CCNT2: variants seen among roughly 807,000 people sequenced by gnomAD.
The protein encoded by CCNT2 is cyclin T2.
In CCNT2, 18 loss-of-function variants were observed where a neutral mutation model predicts 70.0. That is an observed-to-expected ratio of 0.26 (90% CI 0.18 to 0.38). CCNT2 has a LOEUF of 0.38. Ranked by LOEUF, CCNT2 falls within the 10% of genes least tolerant of loss-of-function variation. CCNT2 has a pLI of 1.00. For missense variants in CCNT2, 734 were observed against 890.2 expected (o/e 0.82, Z 2.23); for synonymous variants, 334 against 313.3 (o/e 1.07, Z -0.70).
chr2:134,939,866 C>G (rs1048095086), intron 4 of CCNT2, among the ~76,000 whole-genome samples: 4 of 152,192 alleles, frequency 2.6e-5, no homozygotes, highest in Non-Finnish European at 4.4e-5. Flanking sequence ...TGTCACCATT[C>G]ACCTTACTCA....
rs376708984 is a variant in CCNT2 at position 134,936,832 on chromosome 2, T to A, written c.241-9T>A. 188 of 1,604,060 alleles carry A rather than the reference T, an allele frequency of 1.2e-4. No individual in the cohort carries two copies. The highest frequency in any genetic ancestry group is 3.3e-4 in the Middle Eastern group (2 of 6,024). On this transcript the variant is annotated splice_polypyrimidine_tract_variant and intron_variant, in intron 2 of 8. Transcript: ENST00000264157. ...TTCTTAAATGACCAGAGTTTTATCT[T>A]TTCTGCAGATAATATCGTCTACTGC...
intron 4 of CCNT2, among the ~76,000 whole-genome samples, chr2:134,942,030 A>G (rs937497452): frequency 3.3e-5 from 5 of 152,124 alleles, no homozygotes; most frequent in African/African-American, 7.2e-5. Flanking sequence ...TTGCACGTTG[A>G]TAGCTTTTAA....
intron 5 of CCNT2, 79 bp downstream of exon 5, chr2:134,942,753 TTC>T: frequency 6.9e-7 from 1 of 1,440,290 alleles, no homozygotes; most frequent in Non-Finnish European, 9.3e-7. Flanking sequence ...TATTTTGTTT[TTC>T]TAGCCTTTTG....
At chr2:134,930,781 C>A (rs1363317482) in intron 2 of CCNT2, among the ~76,000 whole-genome samples, 1 of 151,708 alleles carries the variant, frequency 6.6e-6, no homozygotes, top group African/African-American at 2.4e-5. Flanking sequence ...GCACAAGCAT[C>A]CAGTTTATTA....
At chr2:134,943,061 G>T in intron 5 of CCNT2, 1 of 985,336 alleles carries the variant, frequency 1.0e-6, no homozygotes, top group Non-Finnish European at 1.2e-6. Context: ...GATAACAGTT[G>T]AAGAATTTTG....
Position 134,954,170 on chromosome 2 carries a change from G to A in CCNT2, c.1715G>A (p.Ser572Asn). 1 of 1,614,194 alleles carries A rather than the reference G, an allele frequency of 6.2e-7. No individual in the cohort carries two copies. Among genetic ancestry groups the A allele is most frequent in the Non-Finnish European group, 8.5e-7 (1 of 1,180,024 alleles). The change falls in exon 9 of 9, where the codon AGC becomes AAC. Residue 572 changes from serine (S) to asparagine (N), a missense_variant. Physicochemically the swap from Ser to Asn is conservative, Grantham distance 46. This residue lies in a region of CCNT2 where 532 missense variants were observed against 556.9 expected (regional missense o/e 0.96). Coordinates refer to ENST00000264157, the MANE Select transcript of CCNT2 (RefSeq NM_058241.3). ...EHPSSRHHTS[S>N]HKHSHSHSGS... ...CCTTCAAGCCGCCACCACACCAGCA[G>A]CCACAAGCATTCCCACTCGCATAGT...
At chr2:134,946,775 A>G (rs2105072874) in intron 6 of CCNT2, among the ~76,000 whole-genome samples, 1 of 151,688 alleles carries the variant, frequency 6.6e-6, no homozygotes, top group South Asian at 2.1e-4. Context: ...TAACATTTCC[A>G]TCATTGAAAC....
At chr2:134,924,949 A>G (rs767293461) in intron 2 of CCNT2, among the ~76,000 whole-genome samples, 1 of 152,218 alleles carries the variant, frequency 6.6e-6, no homozygotes. Flanking sequence ...AGAGTTTCCA[A>G]CTGTCTGAAT....
intron 8 of CCNT2, 38 bp downstream of exon 8, chr2:134,952,749 T>C (rs1682615389): frequency 6.9e-7 from 1 of 1,448,554 alleles, no homozygotes; most frequent in African/African-American, 1.4e-5. Context: ...ATTTCAGTCT[T>C]TTATGTAACA....
At chr2:134,952,736 A>T (rs370012767) in intron 8 of CCNT2, 25 bp downstream of exon 8, 202 of 1,549,772 alleles carry the variant, frequency 1.3e-4, no homozygotes, top group Non-Finnish European at 1.6e-4. Context: ...AGGGTTTAAC[A>T]GAATTTCAGT....
At chr2:134,943,504 A>C (rs1357289047) in intron 5 of CCNT2, 16 of 984,894 alleles carry the variant, frequency 1.6e-5, no homozygotes, top group Non-Finnish European at 1.8e-5. Flanking sequence ...ACATTACTAA[A>C]AGTGGTTTCC....
chr2:134,946,338 G>A (rs1219092834), intron 6 of CCNT2, 192 bp downstream of exon 6: 4 of 1,203,090 alleles, frequency 3.3e-6, no homozygotes, highest in Non-Finnish European at 2.2e-6. Context: ...AATGCACAAT[G>A]TGAAGTGTAG....
In CCNT2 at chr2:134,958,825, A is replaced by G. The variant is rs1016301282; in HGVS notation, c.*4177A>G. 1 of 152,210 alleles carries G rather than the reference A, an allele frequency of 6.6e-6. No homozygotes were observed. The highest frequency in any genetic ancestry group is 1.5e-5 in the Non-Finnish European group (1 of 68,046). The allele number at this position is 152,210 out of a possible 1,614,324, so 9.4% of individuals were successfully genotyped here. A position where few individuals can be genotyped will look rare whatever the true frequency, so the allele number is the denominator to read the frequency against. ...TTTTTACCTCTGTGGCACCTTCTTT[A>G]TAATTTACTGTTACCTATTCTGCCT... On this transcript the variant is annotated 3_prime_UTR_variant, in exon 9 of 9. Transcript: ENST00000264157.
In CCNT2 at chr2:134,953,394, A is replaced by T; in HGVS notation, c.939A>T (p.Val313=). ...KPSTSAFPAP[V]PLNSGNISVQ... The stretch of plus-strand genomic sequence containing the variant: ...CTACATCAGCATTCCCTGCGCCAGT[A>T]CCTCTAAATTCAGGAAATATTTCTG... The change falls in exon 9 of 9, where the codon GTA becomes GTT. Residue 313 remains valine, a synonymous_variant. Coordinates refer to ENST00000264157, the MANE Select transcript of CCNT2 (RefSeq NM_058241.3). 1 of 1,602,674 alleles carries T rather than the reference A, an allele frequency of 6.2e-7. No homozygotes were observed. The highest frequency in any genetic ancestry group is 8.5e-7 in the Non-Finnish European group (1 of 1,174,008).
intron 2 of CCNT2, among the ~76,000 whole-genome samples, chr2:134,924,855 G>A (rs1016578914): frequency 1.3e-5 from 2 of 152,158 alleles, no homozygotes; most frequent in African/African-American, 2.4e-5. Flanking sequence ...AGTCTTTGAA[G>A]TCTCTCAGTA....
Position 134,954,655 on chromosome 2 carries a change from G to C in CCNT2, c.*7G>C. 1 of 1,552,090 alleles carries C rather than the reference G, an allele frequency of 6.4e-7. No individual in the cohort carries two copies. The highest frequency in any genetic ancestry group is 8.8e-7 in the Non-Finnish European group (1 of 1,135,182). On this transcript the variant is annotated 3_prime_UTR_variant, in exon 9 of 9. Transcript: ENST00000264157. The stretch of plus-strand genomic sequence containing the variant: ...CCAAGGAATGAACATGTAATAATTT[G>C]TTTAGGTCAATTTTTCCTTTACTTT...
At position 134,952,705 on chromosome 2, in the gene CCNT2, C is replaced by G; in HGVS notation, c.768C>G (p.Asn256Lys). The part of the protein sequence containing the change: ...KTPNRLKKIR[N>K]WRANQAARKP... The stretch of plus-strand genomic sequence containing the variant: ...CTAATAGGTTGAAGAAGATTCGAAA[C>G]TGGAGGGTAAGAGAATTGACAGGGT... Residue 256 changes from asparagine (N) to lysine (K), a missense_variant, in exon 8 of 9, where the codon AAC (asparagine) becomes AAG (lysine). Asn to Lys is a moderately conservative substitution (Grantham distance 94). Coordinates refer to ENST00000264157, the MANE Select transcript of CCNT2 (RefSeq NM_058241.3). The G allele has an allele frequency of 1.2e-6, 2 of 1,604,714 alleles. No homozygotes were observed. The highest frequency in any genetic ancestry group is 1.7e-6 in the Non-Finnish European group (2 of 1,173,480).
In CCNT2 at chr2:134,939,154, G is replaced by C. The variant is rs2305153; in HGVS notation, c.430+92G>C. On this transcript the variant is annotated intron_variant, in intron 4 of 8. Coordinates refer to ENST00000264157, the MANE Select transcript of CCNT2 (RefSeq NM_058241.3). ...AGATTTCTGAAATAATTGTATTATTGAAGAAAGTTATTTTAAAACAGGTTT... is the reference window on the plus strand; with the variant it reads ...AGATTTCTGAAATAATTGTATTATTCAAGAAAGTTATTTTAAAACAGGTTT... The C allele has an allele frequency of 3.9e-4, 356 of 917,214 alleles. 4 individuals carry two copies. The East Asian group carries it at 8.8e-3, about 23-fold the overall frequency. The allele number at this position is 917,214 out of a possible 1,614,324, so 56.8% of individuals were successfully genotyped here.
chr2:134,946,876 T>C (rs878965855), intron 6 of CCNT2, among the ~76,000 whole-genome samples: 6 of 152,292 alleles, frequency 3.9e-5, no homozygotes, highest in East Asian at 3.9e-4. Flanking sequence ...GAGTGGATCA[T>C]TGGGGAGAAG....
Sources: gnomAD v4.1 joint callset for allele counts (sites outside exome capture counted in the v4.1 genomes callset) on GRCh38, gnomAD v4.1.1 for gene constraint, gnomAD v4.1.1 regional missense constraint, MANE v1.5 for transcripts, NCBI Gene and HGNC (gene_info 2026-07-23, HGNC 2026-07-21) for gene names.